Variants in ARHGAP6 observed in about 807,000 individuals in gnomAD.
ARHGAP6 encodes rho GTPase-activating protein 6.
Under a neutral mutation model 55.7 loss-of-function variants are expected in ARHGAP6, and 16 were observed. The observed-to-expected ratio is 0.29, with a 90% confidence interval of 0.19 to 0.44. The LOEUF (loss-of-function observed/expected upper bound fraction) is 0.44, where lower values mean the gene tolerates loss of function less well. Ranked by LOEUF, ARHGAP6 falls within the 20% of genes least tolerant of loss-of-function variation. The pLI, the probability that ARHGAP6 is intolerant of heterozygous loss-of-function variation, is 1.00. For missense variants in ARHGAP6, 698 were observed against 808.9 expected (o/e 0.86, Z 1.66); for synonymous variants, 382 against 360.9 (o/e 1.06, Z -0.66).
chrX:11,599,900 CA>C (rs1392778251), intron 1 of ARHGAP6, among the ~76,000 whole-genome samples: 1 of 112,025 alleles, frequency 8.9e-6, no homozygotes, highest in Non-Finnish European at 1.9e-5. Flanking sequence ...AGAACATACA[CA>C]AAAAGGAAAC....
chrX:11,209,605 A>G (rs1379258188), intron 2 of ARHGAP6, among the ~76,000 whole-genome samples: 2 of 112,876 alleles, frequency 1.8e-5, no homozygotes, highest in East Asian at 5.5e-4. Flanking sequence ...ATAATGTGAA[A>G]AAATAGATCT....
intron 1 of ARHGAP6, among the ~76,000 whole-genome samples, chrX:11,535,459 T>C (rs2051093838): frequency 1.8e-5 from 2 of 112,227 alleles, no homozygotes; most frequent in South Asian, 7.5e-4. Context: ...CATCCTTACA[T>C]GAGGCTACTT....
At chrX:11,356,750 A>C (rs1015368808) in intron 1 of ARHGAP6, among the ~76,000 whole-genome samples, 3 of 111,971 alleles carry the variant, frequency 2.7e-5, no homozygotes, top group Non-Finnish European at 5.6e-5. Context: ...TTTTGATATA[A>C]TATAAAATAT....
chrX:11,405,429 C>T (rs990992729), intron 1 of ARHGAP6, among the ~76,000 whole-genome samples: 1 of 112,074 alleles, frequency 8.9e-6, no homozygotes, highest in African/African-American at 3.2e-5. Flanking sequence ...ATCTGGATCC[C>T]AATTCTACTT....
At chrX:11,283,060 A>G (rs2047877734) in intron 1 of ARHGAP6, among the ~76,000 whole-genome samples, 1 of 111,932 alleles carries the variant, frequency 8.9e-6, no homozygotes, top group Non-Finnish European at 1.9e-5. Context: ...CAACAATCCT[A>G]TACAGAATGT....
At chrX:11,380,495 C>T (rs1245328814) in intron 1 of ARHGAP6, among the ~76,000 whole-genome samples, 1 of 111,802 alleles carries the variant, frequency 8.9e-6, no homozygotes, top group Non-Finnish European at 1.9e-5. Context: ...GCTCAATAGA[C>T]ACAGAATGAT....
chrX:11,162,154 C>T (rs1191750493), intron 9 of ARHGAP6, among the ~76,000 whole-genome samples: 1 of 111,049 alleles, frequency 9.0e-6, no homozygotes, highest in Non-Finnish European at 1.9e-5. Context: ...CATGTAGGAG[C>T]TTCTGGAAAA....
At chrX:11,375,721 G>T (rs978525807) in intron 1 of ARHGAP6, among the ~76,000 whole-genome samples, 9 of 111,702 alleles carry the variant, frequency 8.1e-5, no homozygotes, top group Admixed American at 1.9e-4. Flanking sequence ...TGCACAGTCA[G>T]GGCTGAAGGA....
intron 9 of ARHGAP6, among the ~76,000 whole-genome samples, chrX:11,157,534 T>C (rs2045879237): frequency 1.8e-5 from 2 of 112,364 alleles, no homozygotes; most frequent in African/African-American, 6.5e-5. Flanking sequence ...AAATGTTCTA[T>C]AAGAGATGAT....
At chrX:11,582,251 A>T (rs1442219028) in intron 1 of ARHGAP6, among the ~76,000 whole-genome samples, 1 of 111,199 alleles carries the variant, frequency 9.0e-6, no homozygotes, top group Non-Finnish European at 1.9e-5. Context: ...GCTGCACACA[A>T]TCTCTCTGTC....
chrX:11,629,449 G>A (rs766172344), intron 1 of ARHGAP6, among the ~76,000 whole-genome samples: 2 of 110,862 alleles, frequency 1.8e-5, no homozygotes, highest in South Asian at 7.6e-4. Flanking sequence ...TATTTATAAT[G>A]TATGCCAAGC....
chrX:11,276,849 ATAAAT>A (rs1238447576), intron 1 of ARHGAP6, among the ~76,000 whole-genome samples: 5 of 112,553 alleles, frequency 4.4e-5, no homozygotes, highest in African/African-American at 1.6e-4. Context: ...ATTTTCAAAA[ATAAAT>A]TATAGTAAAA....
chrX:11,406,860 A>G (rs1438156330), intron 1 of ARHGAP6, among the ~76,000 whole-genome samples: 2 of 107,524 alleles, frequency 1.9e-5, no homozygotes, highest in African/African-American at 6.6e-5. Context: ...ATCTAAATAG[A>G]TAAATGGGGA....
At chrX:11,282,987 G>T (rs1393904715) in intron 1 of ARHGAP6, among the ~76,000 whole-genome samples, 1 of 111,736 alleles carries the variant, frequency 8.9e-6, no homozygotes, top group Non-Finnish European at 1.9e-5. Flanking sequence ...GGTTTCAGAC[G>T]TTTCATGTAA....
intron 1 of ARHGAP6, among the ~76,000 whole-genome samples, chrX:11,275,891 C>T (rs181954167): frequency 2.5e-4 from 28 of 111,654 alleles, no homozygotes; most frequent in Non-Finnish European, 3.8e-4. Context: ...GAAGCCCTGT[C>T]GTCCCCCTAC....
At chrX:11,182,606 TTTTC>T (rs1290109399) in intron 5 of ARHGAP6, among the ~76,000 whole-genome samples, 81 of 109,808 alleles carry the variant, frequency 7.4e-4, no homozygotes, top group African/African-American at 2.5e-3. Context: ...TTTTCTTTTC[TTTTC>T]TTTCTTTCTT....
At chrX:11,224,268 C>A (rs1296062522) in intron 2 of ARHGAP6, 18 of 190,883 alleles carry the variant, frequency 9.4e-5, no homozygotes, top group Non-Finnish European at 1.2e-4. Flanking sequence ...AAGAAGGAGC[C>A]GAATACCCTT....
chrX:11,595,088 A>C (rs2051884629), intron 1 of ARHGAP6, among the ~76,000 whole-genome samples: 1 of 111,332 alleles, frequency 9.0e-6, no homozygotes, highest in Non-Finnish European at 1.9e-5. Flanking sequence ...CAGGAGTTTG[A>C]GACCAGCCTG....
intron 9 of ARHGAP6, among the ~76,000 whole-genome samples, chrX:11,165,838 A>G (rs1054187592): frequency 2.7e-5 from 3 of 111,335 alleles, no homozygotes; most frequent in Non-Finnish European, 5.7e-5. Flanking sequence ...GCCCCATCCC[A>G]GTGCTACTCA....
Sources: gnomAD v4.1 joint callset for allele counts (sites outside exome capture counted in the v4.1 genomes callset) on GRCh38, gnomAD v4.1.1 for gene constraint, MANE v1.5 for transcripts, NCBI Gene and HGNC (gene_info 2026-07-23, HGNC 2026-07-21) for gene names.